The following DNAH11 variants were observed in gnomAD, a reference collection of about 807,000 sequenced individuals.
DNAH11 encodes the protein dynein axonemal heavy chain 11, also known as axonemal beta dynein heavy chain 11.
In DNAH11, 442 loss-of-function variants were observed where a neutral mutation model predicts 526.0. That is an observed-to-expected ratio of 0.84 (90% CI 0.78 to 0.91). DNAH11 has a LOEUF of 0.91. DNAH11 is among the 40% of genes least tolerant of loss of function. The probability of loss-of-function intolerance (pLI) is 0.00; values close to 1 mark genes in which losing one functional copy is unlikely to be tolerated. For synonymous variants in DNAH11, 2,461 were observed against 1,935.9 expected, an observed-to-expected ratio of 1.27 and a Z score of -7.12; for missense variants, 6,989 against 5,448.7, an observed-to-expected ratio of 1.28 and a Z score of -8.90.
chr7:21,554,194 G>A (rs920676757), intron 2 of DNAH11, among the ~76,000 whole-genome samples: 10 of 133,806 alleles, frequency 7.5e-5, no homozygotes, highest in Non-Finnish European at 4.9e-5. Flanking sequence ...TTTTTTTTTA[G>A]GGGAAGTCTC....
intron 60 of DNAH11, among the ~76,000 whole-genome samples, chr7:21,787,898 A>T (rs1247671579): frequency 1.3e-5 from 2 of 152,242 alleles, no homozygotes; most frequent in East Asian, 3.8e-4. Flanking sequence ...GACTTGAAAC[A>T]ACTGCAAATC....
chr7:21,639,730 T>C (rs573815914), intron 28 of DNAH11, among the ~76,000 whole-genome samples: 5 of 152,216 alleles, frequency 3.3e-5, no homozygotes, highest in Non-Finnish European at 7.3e-5. Context: ...GCCTTTCATT[T>C]AGACCAACTC....
intron 2 of DNAH11, among the ~76,000 whole-genome samples, chr7:21,554,497 T>G (rs1454074995): frequency 1.3e-5 from 2 of 152,016 alleles, no homozygotes; most frequent in Non-Finnish European, 2.9e-5. Context: ...ATTATCTCGT[T>G]TGGGATTGAC....
At chr7:21,765,610 TCACACACACACACA>T (rs3219983) in intron 55 of DNAH11, 21 bp downstream of exon 55, 54,806 of 953,042 alleles carry the variant, frequency 0.058, 1,785 homozygotes, top group Non-Finnish European at 0.067. Context: ...TCAGCCTGCG[TCACACACACACACA>T]CACACACACA....
At chr7:21,733,928 T>C (rs1785495666) in intron 45 of DNAH11, among the ~76,000 whole-genome samples, 1 of 152,204 alleles carries the variant, frequency 6.6e-6, no homozygotes, top group African/African-American at 2.4e-5. Flanking sequence ...CCAACAGTTC[T>C]AGTTTGACTG....
At position 21,571,883 on chromosome 7, in the gene DNAH11, T is replaced by G. The variant is rs761860177; in HGVS notation, c.1503T>G (p.Asn501Lys). 113 of 1,613,116 alleles carry G rather than the reference T, an allele frequency of 7.0e-5. No individual in the cohort carries two copies. Among genetic ancestry groups the G allele is most frequent in the Non-Finnish European group, 1.3e-5 (15 of 1,179,578 alleles). ...EFGGTKGAIL[N>K]GQVHEMSEEL... ...GTGGTACCAAAGGAGCAATTTTAAA[T>G]GGACAAGTCCACGAGATGAGTGAAG... The change falls in exon 8 of 82, where the codon AAT (asparagine) becomes AAG (lysine). Residue 501 changes from asparagine (N) to lysine (K), a missense_variant. Physicochemically the swap from Asn to Lys is moderately conservative, Grantham distance 94. Coordinates refer to ENST00000409508, the MANE Select transcript of DNAH11 (RefSeq NM_001277115.2).
chr7:21,594,105 A>G (rs993310350), intron 14 of DNAH11, among the ~76,000 whole-genome samples: 1 of 99,244 alleles, frequency 1.0e-5, no homozygotes, highest in Admixed American at 1.0e-4. Context: ...CACACTCTGA[A>G]GCCATCATGA....
intron 24 of DNAH11, 49 bp from the exon 25 acceptor site, chr7:21,619,907 T>A: frequency 9.9e-6 from 15 of 1,510,314 alleles, no homozygotes; most frequent in Non-Finnish European, 1.3e-5. Flanking sequence ...GTCTACATAT[T>A]GATTATCAAT....
intron 30 of DNAH11, among the ~76,000 whole-genome samples, chr7:21,677,888 C>G (rs1236206512): frequency 6.6e-6 from 1 of 152,182 alleles, no homozygotes; most frequent in Non-Finnish European, 1.5e-5. Context: ...GGGAAAATGT[C>G]TATTCTGGTC....
intron 20 of DNAH11, among the ~76,000 whole-genome samples, chr7:21,609,195 C>T (rs1487248267): frequency 6.6e-6 from 1 of 152,126 alleles, no homozygotes; most frequent in African/African-American, 2.4e-5. Flanking sequence ...TTCTTCCTTT[C>T]CTTTCCTTTT....
At chr7:21,594,279 G>C (rs139116791) in intron 14 of DNAH11, among the ~76,000 whole-genome samples, 4 of 152,150 alleles carry the variant, frequency 2.6e-5, no homozygotes, top group Non-Finnish European at 4.4e-5. Flanking sequence ...GCTGGGAATT[G>C]TATGCAACCC....
chr7:21,727,288 G>A (rs1460617408), intron 45 of DNAH11, among the ~76,000 whole-genome samples: 2 of 152,078 alleles, frequency 1.3e-5, no homozygotes, highest in South Asian at 2.1e-4. Flanking sequence ...ACTATAAAAT[G>A]TAAAGAAATA....
intron 65 of DNAH11, among the ~76,000 whole-genome samples, chr7:21,824,522 G>T (rs780680709): frequency 3.6e-4 from 55 of 152,066 alleles, no homozygotes; most frequent in Non-Finnish European, 6.5e-4. Context: ...GAAGATCAAA[G>T]ATCTGTCCCA....
intron 6 of DNAH11, among the ~76,000 whole-genome samples, chr7:21,564,808 A>T (rs1783596308): frequency 6.6e-6 from 1 of 152,122 alleles, no homozygotes; most frequent in Non-Finnish European, 1.5e-5. Context: ...AAAGTAGTAG[A>T]ATTGTATTGA....
chr7:21,783,170 A>G (rs760945284), intron 57 of DNAH11, among the ~76,000 whole-genome samples: 5 of 152,150 alleles, frequency 3.3e-5, no homozygotes, highest in African/African-American at 1.2e-4. Flanking sequence ...TTCATGGTCC[A>G]TTCCTGGCAG....
intron 54 of DNAH11, among the ~76,000 whole-genome samples, chr7:21,763,408 A>ACCC (rs1462840831): frequency 2.0e-5 from 3 of 151,824 alleles, no homozygotes; most frequent in African/African-American, 7.3e-5. Flanking sequence ...AAGATACACA[A>ACCC]CATCACTAAT....
At chr7:21,801,945 C>G (rs1044489735) in intron 62 of DNAH11, among the ~76,000 whole-genome samples, 1 of 152,142 alleles carries the variant, frequency 6.6e-6, no homozygotes, top group African/African-American at 2.4e-5. Context: ...GAGGAACATA[C>G]GTTCTTTGAT....
intron 14 of DNAH11, among the ~76,000 whole-genome samples, chr7:21,597,498 G>T (rs544371481): frequency 6.6e-6 from 1 of 152,292 alleles, no homozygotes; most frequent in African/African-American, 2.4e-5. Context: ...AGTTCTAGAT[G>T]GCTGGGGAGG....
chr7:21,647,039 A>G (rs1787386223), intron 28 of DNAH11, among the ~76,000 whole-genome samples: 1 of 152,210 alleles, frequency 6.6e-6, no homozygotes, highest in Non-Finnish European at 1.5e-5. Context: ...ATAAGATATT[A>G]AAAGTAATTA....
Sources: allele counts gnomAD v4.1 joint callset (sites outside exome capture counted in the v4.1 genomes callset), GRCh38; gene constraint gnomAD v4.1.1; transcripts MANE v1.5; gene names NCBI Gene and HGNC (gene_info 2026-07-23, HGNC 2026-07-21).